FAM13A: variants seen among roughly 807,000 people sequenced by gnomAD.
FAM13A encodes family with sequence similarity 13 member A.
In FAM13A, 76 loss-of-function variants were observed where a neutral mutation model predicts 129.6. That is an observed-to-expected ratio of 0.59 (90% CI 0.49 to 0.71). The LOEUF (loss-of-function observed/expected upper bound fraction) is 0.71. Ranked by LOEUF, FAM13A falls within the 30% of genes least tolerant of loss-of-function variation. The probability of loss-of-function intolerance (pLI) is 0.00; values close to 1 mark genes in which losing one functional copy is unlikely to be tolerated. For missense variants in FAM13A, 1,108 were observed against 1,249.3 expected (o/e 0.89, Z 1.70); for synonymous variants, 443 against 449.9 (o/e 0.98, Z 0.20).
At chr4:89,043,028 T>C (rs982478062) in intron 1 of FAM13A, among the ~76,000 whole-genome samples, 4 of 152,212 alleles carry the variant, frequency 2.6e-5, no homozygotes, top group Non-Finnish European at 5.9e-5. Context: ...GATTTGCATA[T>C]GTGATGCCAA....
intron 7 of FAM13A, among the ~76,000 whole-genome samples, chr4:88,807,364 C>G (rs1728775522): frequency 6.6e-6 from 1 of 152,116 alleles, no homozygotes; most frequent in South Asian, 2.1e-4. Context: ...CGGGCCAGAT[C>G]CTACCACAGG....
intron 10 of FAM13A, among the ~76,000 whole-genome samples, chr4:88,786,775 C>G (rs1724047927): frequency 6.7e-6 from 1 of 149,962 alleles, no homozygotes; most frequent in African/African-American, 2.5e-5. Flanking sequence ...TTTCTTTAAG[C>G]GAAAAAAAGT....
chr4:88,868,199 A>G lies in FAM13A; in HGVS notation c.844-17016T>C, dbSNP rs538583299. On this transcript the variant is annotated intron_variant, in intron 6 of 23. Coordinates refer to ENST00000264344, the MANE Select transcript of FAM13A (RefSeq NM_014883.4). ...ATGAATACCCAAACAAAAATTTTTC[A>G]TGCTGGTCTTAGCACTTCATGAGCG... Among the ~76,000 whole-genome samples, 4 of 152,306 alleles carry G rather than the reference A, an allele frequency of 2.6e-5. No homozygotes were observed. The East Asian group carries it at 7.7e-4, about 29-fold the overall frequency.
At chr4:88,990,909 T>G in intron 4 of FAM13A, 64 bp downstream of exon 4, 1 of 1,261,562 alleles carries the variant, frequency 7.9e-7, no homozygotes, top group Non-Finnish European at 1.1e-6. Flanking sequence ...TCCCAGTAAT[T>G]TCAGACAGTA....
intron 1 of FAM13A, among the ~76,000 whole-genome samples, chr4:89,031,884 C>A (rs113320159): frequency 6.6e-6 from 1 of 151,954 alleles, no homozygotes; most frequent in Admixed American, 6.6e-5. Context: ...CCTAGAAATT[C>A]ACGAGGTTTT....
chr4:88,875,237 A>G (rs1742188737), intron 6 of FAM13A, among the ~76,000 whole-genome samples: 1 of 152,232 alleles, frequency 6.6e-6, no homozygotes, highest in Non-Finnish European at 1.5e-5. Context: ...ATGGGCAAAG[A>G]CTTCATGGAT....
intron 4 of FAM13A, among the ~76,000 whole-genome samples, chr4:88,981,114 G>C (rs1234563174): frequency 6.6e-6 from 1 of 151,472 alleles, no homozygotes; most frequent in Non-Finnish European, 1.5e-5. Flanking sequence ...TGAAACACTT[G>C]TTTCAAGGAA....
chr4:88,764,156 T>C (rs1024933860), intron 13 of FAM13A, among the ~76,000 whole-genome samples: 6 of 152,196 alleles, frequency 3.9e-5, no homozygotes, highest in African/African-American at 1.4e-4. Context: ...TCTTCTCTTT[T>C]CCTTTTTTTT....
chr4:88,747,782 T>A lies in FAM13A; in HGVS notation c.2231A>T (p.Lys744Met). The A allele has an allele frequency of 6.2e-7, 1 of 1,614,246 alleles. No homozygotes were observed. The highest frequency in any genetic ancestry group is 8.5e-7 in the Non-Finnish European group (1 of 1,180,026). Residue 744 changes from lysine to methionine, a missense_variant, in exon 18 of 24, where the codon AAG becomes ATG. Around this residue, in one of 3 missense-constraint regions of FAM13A, gnomAD observed 529 missense variants for 621.2 expected, o/e 0.85. Coordinates refer to ENST00000264344, the MANE Select transcript of FAM13A (RefSeq NM_014883.4). The stretch of plus-strand genomic sequence containing the variant: ...TTTCTCAAGTTGGGAACCAAAACTC[T>A]TGGGGAGTGTGTTGCTTCGCTGCCG... ...RMRQRSNTLP[K>M]SFGSQLEKED...
At chr4:89,045,676 C>T (rs1273375429) in intron 1 of FAM13A, among the ~76,000 whole-genome samples, 1 of 152,106 alleles carries the variant, frequency 6.6e-6, no homozygotes, top group Non-Finnish European at 1.5e-5. Context: ...TTATAGATTG[C>T]AATATTTGAC....
At chr4:88,968,972 T>C (rs979114180) in intron 4 of FAM13A, among the ~76,000 whole-genome samples, 1 of 152,222 alleles carries the variant, frequency 6.6e-6, no homozygotes, top group African/African-American at 2.4e-5. Flanking sequence ...GGAAATTAAA[T>C]ACTAATATCA....
At chr4:88,980,690 T>TA (rs1761552486) in intron 4 of FAM13A, among the ~76,000 whole-genome samples, 1 of 152,196 alleles carries the variant, frequency 6.6e-6, no homozygotes, top group Non-Finnish European at 1.5e-5. Flanking sequence ...GCTTGATTTT[T>TA]AAAAATTTCA....
At chr4:88,945,634 T>C (rs1335284142) in intron 4 of FAM13A, among the ~76,000 whole-genome samples, 2 of 151,718 alleles carry the variant, frequency 1.3e-5, no homozygotes, top group African/African-American at 4.9e-5. Context: ...CGGGAAGCTT[T>C]AGCAACATCC....
chr4:88,785,575 A>G (rs2149644866), intron 10 of FAM13A, among the ~76,000 whole-genome samples: 1 of 152,270 alleles, frequency 6.6e-6, no homozygotes, highest in Middle Eastern at 3.4e-3. Flanking sequence ...GCAAAAGGAA[A>G]GAGTGGAGCT....
At chr4:88,924,856 A>G (rs1479488413) in intron 5 of FAM13A, among the ~76,000 whole-genome samples, 2 of 151,624 alleles carry the variant, frequency 1.3e-5, no homozygotes, top group African/African-American at 2.4e-5. Flanking sequence ...ACAAATTTAC[A>G]AGAAAAAAAC....
At chr4:88,851,252 T>G in intron 6 of FAM13A, 69 bp from the exon 7 acceptor site, 1 of 1,363,584 alleles carries the variant, frequency 7.3e-7, no homozygotes, top group Non-Finnish European at 9.9e-7. Context: ...ATTAAGTTTA[T>G]GATAAAAGAC....
chr4:88,903,994 T>C (rs2150222722), intron 6 of FAM13A, among the ~76,000 whole-genome samples: 1 of 152,326 alleles, frequency 6.6e-6, no homozygotes, highest in South Asian at 2.1e-4. Context: ...AAGACATTTA[T>C]GTGGCCAACA....
At chr4:88,790,651 A>G (rs756863264) in intron 8 of FAM13A, 24 bp from the exon 9 acceptor site, 1 of 1,606,766 alleles carries the variant, frequency 6.2e-7, no homozygotes, top group Non-Finnish European at 8.5e-7. Flanking sequence ...GCAAAGAGAA[A>G]GTCAGGTTAG....
At chr4:88,991,983 C>T (rs1217884697) in intron 3 of FAM13A, among the ~76,000 whole-genome samples, 2 of 152,172 alleles carry the variant, frequency 1.3e-5, no homozygotes, top group East Asian at 3.9e-4. Flanking sequence ...GTCTGATCAC[C>T]TTAGCCTGCC....
Sources: gnomAD v4.1 joint callset for allele counts (sites outside exome capture counted in the v4.1 genomes callset) on GRCh38, gnomAD v4.1.1 for gene constraint, gnomAD v4.1.1 regional missense constraint, MANE v1.5 for transcripts, NCBI Gene and HGNC (gene_info 2026-07-23, HGNC 2026-07-21) for gene names.